The following DNAH5 variants were observed in gnomAD, a reference collection of about 807,000 sequenced individuals.
DNAH5 encodes the protein dynein axonemal heavy chain 5.
In DNAH5, 372 loss-of-function variants were observed where a neutral mutation model predicts 518.2. The observed-to-expected ratio is 0.72, with a 90% confidence interval of 0.66 to 0.78. The LOEUF (loss-of-function observed/expected upper bound fraction) is 0.78. Ranked by LOEUF, DNAH5 falls within the 30% of genes least tolerant of loss-of-function variation. The pLI is 0.00. For missense variants in DNAH5, 5,523 were observed against 5,687.0 expected (o/e 0.97, Z 0.93); for synonymous variants, 2,039 against 2,025.9 (o/e 1.01, Z -0.17).
rs777751557 is a variant in DNAH5 at position 13,700,880 on chromosome 5, G to C, written c.13492-9C>G. On this transcript the variant is annotated splice_polypyrimidine_tract_variant and intron_variant, in intron 77 of 78. Transcript: ENST00000265104. ...TTGGCCCGAGTTATTTCCTATTCAGGGCAGCAAAAGATGAATGGAGCGGTT... is the reference window on the plus strand; with the variant it reads ...TTGGCCCGAGTTATTTCCTATTCAGCGCAGCAAAAGATGAATGGAGCGGTT... The C allele has an allele frequency of 1.9e-6, 3 of 1,613,672 alleles. No homozygotes were observed. The African/African-American group carries it at 4.0e-5, about 22-fold the overall frequency.
chr5:13,757,800 G>A (rs973633588), intron 61 of DNAH5, among the ~76,000 whole-genome samples: 31 of 152,106 alleles, frequency 2.0e-4, no homozygotes, highest in African/African-American at 7.0e-4. Context: ...CTTTGCTTGT[G>A]GAAGACTTAT....
chr5:13,863,629 C>G (rs1768798086), intron 28 of DNAH5, among the ~76,000 whole-genome samples: 1 of 152,166 alleles, frequency 6.6e-6, no homozygotes, highest in Admixed American at 6.5e-5. Flanking sequence ...TACTTCCCCT[C>G]TCATCTAACA....
At position 13,917,573 on chromosome 5, in the gene DNAH5, C is replaced by T. The variant is rs374500022; in HGVS notation, c.976-317G>A. ...ACTGGTTAGCAGACCCATTTGATAC[C>T]ACACTTCCATATTTTCTATCTTTCC... On this transcript the variant is annotated intron_variant, in intron 7 of 78. Coordinates refer to ENST00000265104, the MANE Select transcript of DNAH5 (RefSeq NM_001369.3). Among the ~76,000 whole-genome samples the T allele has an allele frequency of 3.0e-4, 46 of 152,278 alleles. 1 individual carries two copies. Among genetic ancestry groups the T allele is most frequent in the African/African-American group, 1.1e-3 (45 of 41,568 alleles).
rs1372101965 is a variant in DNAH5, at chr5:13,862,713, A to G, written c.4631T>C (p.Ile1544Thr). 1.9e-6 allele frequency: 3 copies of G among 1,613,858 alleles called. No individual in the cohort carries two copies. The highest frequency in any genetic ancestry group is 1.7e-6 in the Non-Finnish European group (2 of 1,179,906). Residue 1544 changes from isoleucine (I) to threonine (T), a missense_variant, in exon 29 of 79, where the codon ATT becomes ACT. This residue lies in a region of DNAH5 where 5,121 missense variants were observed against 5,223.3 expected (regional missense o/e 0.98). Coordinates refer to ENST00000265104, the MANE Select transcript of DNAH5 (RefSeq NM_001369.3). ...ICISAVKERD[I>T]EQKLKQVINE... Reference sequence around the variant, plus strand: ...AATCACTTGCTTCAGCTTTTGCTCAATGTCTCTCTCTTTCACCGCACTGAT... The same window carrying G: ...AATCACTTGCTTCAGCTTTTGCTCAGTGTCTCTCTCTTTCACCGCACTGAT...
intron 53 of DNAH5, among the ~76,000 whole-genome samples, chr5:13,779,463 G>A (rs1754764283): frequency 1.3e-5 from 2 of 152,138 alleles, no homozygotes; most frequent in South Asian, 4.2e-4. Context: ...CAATGAGACA[G>A]GTCAGCAGCA....
Position 13,792,044 on chromosome 5 carries a change from C to G in DNAH5, c.8398G>C (p.Val2800Leu). Reference sequence around the variant, plus strand: ...GTAGTGTTCAGCATTCCCTGCCAGACCCGAGAAAGATCTCGTAGGTTAAAC... The same window carrying G: ...GTAGTGTTCAGCATTCCCTGCCAGAGCCGAGAAAGATCTCGTAGGTTAAAC... ...YVFNLRDLSR[V>L]WQGMLNTTSE... is the part of the protein sequence containing the mutation. Residue 2800 changes from valine to leucine, a missense_variant, in exon 50 of 79, where the codon GTC becomes CTC. Coordinates refer to ENST00000265104, the MANE Select transcript of DNAH5 (RefSeq NM_001369.3). 1 of 1,614,030 alleles carries G rather than the reference C, an allele frequency of 6.2e-7. No individual in the cohort carries two copies. Among genetic ancestry groups the G allele is most frequent in the South Asian group, 1.1e-5 (1 of 91,068 alleles).
rs539778425 is a variant in DNAH5 at position 13,980,714 on chromosome 5, A to T, written c.12+30934T>A. On this transcript the variant is annotated intron_variant, in intron 1 of 78. Transcript: ENST00000681290. ...TCTTTCCCCTTCCACTTTCCCACAC[A>T]GAGACCAGAATTGTCCTTTGAGAAT... 2.6e-5 allele frequency among the ~76,000 whole-genome samples: 4 copies of T among 152,260 alleles called. No homozygotes were observed. The South Asian group carries it at 8.3e-4, about 32-fold the overall frequency.
chr5:13,916,763 C>T (rs1369108702), intron 8 of DNAH5, among the ~76,000 whole-genome samples: 1 of 151,882 alleles, frequency 6.6e-6, no homozygotes, highest in Non-Finnish European at 1.5e-5. Context: ...TAAGTAAAAG[C>T]AGGCACTTCC....
At chr5:13,711,348 G>A (rs146998658) in intron 75 of DNAH5, among the ~76,000 whole-genome samples, 15 of 152,124 alleles carry the variant, frequency 9.9e-5, no homozygotes, top group East Asian at 1.9e-4. Flanking sequence ...CAACAAAATC[G>A]GCATACAAGG....
chr5:13,977,336 A>G (rs1391413197), intron 1 of DNAH5, among the ~76,000 whole-genome samples: 3 of 152,154 alleles, frequency 2.0e-5, no homozygotes, highest in East Asian at 3.9e-4. Context: ...AGGACGTGGG[A>G]CGCACATGTC....
chr5:13,953,050 T>C (rs1780535072), intron 1 of DNAH5, among the ~76,000 whole-genome samples: 1 of 152,262 alleles, frequency 6.6e-6, no homozygotes, highest in Admixed American at 6.5e-5. Flanking sequence ...GCAAAATTGC[T>C]ATTAATAAAA....
intron 30 of DNAH5, among the ~76,000 whole-genome samples, chr5:13,852,162 A>G (rs1234468995): frequency 2.6e-5 from 4 of 151,876 alleles, no homozygotes; most frequent in Non-Finnish European, 4.4e-5. Flanking sequence ...AGCTAGCTGC[A>G]GTTTTTTTTG....
rs957717422 is a variant in DNAH5, at chr5:13,690,575, G to A, written c.*1409C>T. 1 of 152,134 alleles carries A rather than the reference G, an allele frequency of 6.6e-6. No homozygotes were observed. Among genetic ancestry groups the A allele is most frequent in the African/African-American group, 2.4e-5 (1 of 41,424 alleles). 9.4% of individuals were successfully genotyped at this position (152,134 alleles called of 1,614,324 possible). On this transcript the variant is annotated 3_prime_UTR_variant, in exon 79 of 79. Coordinates refer to ENST00000265104, the MANE Select transcript of DNAH5 (RefSeq NM_001369.3). Reference sequence around the variant, plus strand: ...GTCCACAGAATGAAGCCCAGTGAGAGGGACCCACACTTGTCTCCCGGTATC... The same window carrying A: ...GTCCACAGAATGAAGCCCAGTGAGAAGGACCCACACTTGTCTCCCGGTATC...
intron 35 of DNAH5, among the ~76,000 whole-genome samples, chr5:13,834,804 A>G (rs1397856761): frequency 6.6e-6 from 1 of 152,258 alleles, no homozygotes; most frequent in Admixed American, 6.5e-5. Flanking sequence ...ACAGAGAAGT[A>G]GCAGAGGCCA....
intron 11 of DNAH5, 98 bp from the exon 12 acceptor site, chr5:13,911,591 G>GA (rs34152978): frequency 8.9e-5 from 82 of 924,590 alleles, no homozygotes; most frequent in Admixed American, 3.8e-4. Flanking sequence ...ATAATTGCCA[G>GA]AAAAAAAATA....
At chr5:13,752,375 GCATTCTA>G in intron 63 of DNAH5, 86 bp from the exon 64 acceptor site, 1 of 1,421,808 alleles carries the variant, frequency 7.0e-7, no homozygotes, top group South Asian at 1.2e-5. Context: ...GAAGCCTAAA[GCATTCTA>G]CTGCAAGAGA....
At chr5:13,702,943 C>T (rs905552417) in intron 76 of DNAH5, among the ~76,000 whole-genome samples, 1 of 151,942 alleles carries the variant, frequency 6.6e-6, no homozygotes, top group Non-Finnish European at 1.5e-5. Context: ...ACCAACCTCA[C>T]GTCTGTAGGC....
chr5:13,914,725 A>G (rs1433419300), intron 9 of DNAH5, 83 bp from the exon 10 acceptor site: 3 of 1,384,044 alleles, frequency 2.2e-6, no homozygotes, highest in African/African-American at 1.5e-5. Flanking sequence ...TAACTCTTCT[A>G]CTTCTCAGAG....
intron 1 of DNAH5, among the ~76,000 whole-genome samples, chr5:14,003,429 A>C (rs1468953841): frequency 6.6e-6 from 1 of 152,174 alleles, no homozygotes; most frequent in Non-Finnish European, 1.5e-5. Context: ...GGTAGGTAAG[A>C]TCTAATGGCA....
Sources: gnomAD v4.1 joint callset for allele counts (sites outside exome capture counted in the v4.1 genomes callset) on GRCh38, gnomAD v4.1.1 for gene constraint, gnomAD v4.1.1 regional missense constraint, MANE v1.5 for transcripts, NCBI Gene and HGNC (gene_info 2026-07-23, HGNC 2026-07-21) for gene names.